The following AKNAD1 variants were observed in gnomAD, a reference collection of about 807,000 sequenced individuals.
The protein encoded by AKNAD1 is protein AKNAD1.
AKNAD1 carries 67 observed loss-of-function variants against 90.8 expected under a neutral mutation model. The ratio of observed to expected loss-of-function variants is 0.74; its 90% CI spans 0.61 to 0.90. AKNAD1 has a LOEUF of 0.90. AKNAD1 is among the 40% of genes least tolerant of loss of function. AKNAD1 has a pLI of 0.00. For synonymous variants in AKNAD1, 327 were observed against 341.4 expected (o/e 0.96, Z 0.46); for missense variants, 957 against 975.4 (o/e 0.98, Z 0.25).
intron 15 of AKNAD1, chr1:108,816,741 T>C (rs1663623464): frequency 3.1e-6 from 1 of 322,834 alleles, no homozygotes; most frequent in Non-Finnish European, 5.8e-6. Flanking sequence ...TGTTGGCAAC[T>C]CTGATCACAG....
intron 13 of AKNAD1, among the ~76,000 whole-genome samples, chr1:108,822,856 A>T (rs928891520): frequency 1.2e-4 from 18 of 152,150 alleles, no homozygotes; most frequent in African/African-American, 4.1e-4. Context: ...AGAGCTTGGG[A>T]AGGAGCAGCC....
At chr1:108,820,455 T>G in intron 14 of AKNAD1, 90 bp downstream of exon 14, 1 of 791,808 alleles carries the variant, frequency 1.3e-6, no homozygotes, top group South Asian at 1.6e-5. Context: ...CTAGGTTATC[T>G]TGGGGTAGGT....
chr1:108,838,915 G>T (rs768958942), intron 6 of AKNAD1, among the ~76,000 whole-genome samples: 5 of 151,976 alleles, frequency 3.3e-5, no homozygotes, highest in Non-Finnish European at 7.4e-5. Flanking sequence ...TCCATGAAAG[G>T]CATGAAGAGT....
chr1:108,831,179 G>A (rs935668255), intron 9 of AKNAD1, among the ~76,000 whole-genome samples: 1 of 152,144 alleles, frequency 6.6e-6, no homozygotes, highest in Non-Finnish European at 1.5e-5. Context: ...TTGGTTATAT[G>A]TCCCTCTTTA....
At chr1:108,845,381 G>T (rs1460816933) in intron 5 of AKNAD1, among the ~76,000 whole-genome samples, 3 of 152,158 alleles carry the variant, frequency 2.0e-5, no homozygotes, top group African/African-American at 7.2e-5. Flanking sequence ...TGCCGTCATG[G>T]AGTTGACTCT....
At chr1:108,823,088 C>A in intron 13 of AKNAD1, 1 of 653,136 alleles carries the variant, frequency 1.5e-6, no homozygotes, top group Non-Finnish European at 2.8e-6. Flanking sequence ...ATTTGTTCAG[C>A]AAACATTTAT....
chr1:108,851,464 T>C (rs1271365751), intron 2 of AKNAD1, among the ~76,000 whole-genome samples: 2 of 152,134 alleles, frequency 1.3e-5, no homozygotes, highest in Admixed American at 1.3e-4. Context: ...GATTTTATTC[T>C]CTTATATGTT....
At chr1:108,844,569 G>A (rs1319044642) in intron 5 of AKNAD1, among the ~76,000 whole-genome samples, 1 of 152,026 alleles carries the variant, frequency 6.6e-6, no homozygotes, top group African/African-American at 2.4e-5. Flanking sequence ...GGAGAGGAAG[G>A]GATGAATTGG....
intron 5 of AKNAD1, among the ~76,000 whole-genome samples, chr1:108,844,841 C>A (rs959267470): frequency 6.8e-6 from 1 of 147,360 alleles, no homozygotes; most frequent in African/African-American, 2.5e-5. Context: ...TAATTTAAGA[C>A]AGTCACTCGC....
chr1:108,853,419 C>T (rs1045215582), intron 1 of AKNAD1, among the ~76,000 whole-genome samples: 4 of 151,662 alleles, frequency 2.6e-5, no homozygotes, highest in African/African-American at 9.7e-5. Flanking sequence ...GCGTGAGCCA[C>T]CGCGCCCGGC....
chr1:108,841,191 T>C (rs1323400053), intron 6 of AKNAD1, among the ~76,000 whole-genome samples: 1 of 151,078 alleles, frequency 6.6e-6, no homozygotes, highest in African/African-American at 2.4e-5. Flanking sequence ...ATAATAGTAA[T>C]AATAAAAATA....
chr1:108,830,747 AACTTGCC>A, intron 9 of AKNAD1, 97 bp from the exon 10 acceptor site: 1 of 1,183,234 alleles, frequency 8.5e-7, no homozygotes, highest in Middle Eastern at 2.1e-4. Context: ...GGTCCGGCTG[AACTTGCC>A]ACCTCAGGCA....
At chr1:108,827,135 C>T (rs1664023362) in intron 11 of AKNAD1, 70 bp downstream of exon 11, 1 of 1,098,964 alleles carries the variant, frequency 9.1e-7, no homozygotes, top group Admixed American at 1.8e-5. Context: ...CAAGCTGGTG[C>T]CTACTGCGAG....
At chr1:108,829,306 T>C (rs1664108941) in intron 10 of AKNAD1, among the ~76,000 whole-genome samples, 1 of 151,956 alleles carries the variant, frequency 6.6e-6, no homozygotes, top group Non-Finnish European at 1.5e-5. Flanking sequence ...GTCTGGAACA[T>C]TGGTCCCTGT....
chr1:108,842,830 GTC>G (rs1664589198), intron 6 of AKNAD1, among the ~76,000 whole-genome samples: 1 of 152,084 alleles, frequency 6.6e-6, no homozygotes, highest in East Asian at 1.9e-4. Flanking sequence ...GCTCCTCTGG[GTC>G]TCCAAACCAA....
chr1:108,851,974 G>T lies in AKNAD1; in HGVS notation c.691C>A (p.Gln231Lys), dbSNP rs760039079. ...TCAGTCTGCTGTTTCTGGGGTGACT[G>T]CCCTTGATAACTTTTTTGTTTATCA... ...PGDKQKSYQG[Q>K]SPQKQQTEKA... is the part of the protein sequence containing the mutation. Residue 231 changes from glutamine to lysine, a missense_variant, in exon 2 of 16, where the codon CAG becomes AAG. Physicochemically the swap from Gln to Lys is moderately conservative, Grantham distance 53 (BLOSUM62 1). Transcript: ENST00000370001. 1.9e-6 allele frequency: 3 copies of T among 1,614,188 alleles called. No homozygotes were observed. Among genetic ancestry groups the T allele is most frequent in the Admixed American group, 1.7e-5 (1 of 60,026 alleles).
chr1:108,854,360 C>A (rs1664970892), intron 1 of AKNAD1, among the ~76,000 whole-genome samples: 2 of 152,170 alleles, frequency 1.3e-5, no homozygotes, highest in South Asian at 2.1e-4. Context: ...GCCTCCCTTG[C>A]CCATACAATG....
chr1:108,820,558 G>A lies in AKNAD1; in HGVS notation c.2236C>T (p.Pro746Ser), dbSNP rs377132841. The change falls in exon 14 of 16, where the codon CCC becomes TCC. Residue 746 changes from proline (P) to serine (S), a missense_variant. Physicochemically the swap from Pro to Ser is moderately conservative, Grantham distance 74. Coordinates refer to ENST00000370001, the MANE Select transcript of AKNAD1 (RefSeq NM_152763.5). ...AATAATACTTACTTTCCTGGTGTGG[G>A]CTCATGTTCACCTTTAAAGGATTTT... ...NSKSFKGEHE[P>S]TPGKKKLQAF... 76 of 1,603,706 alleles carry A rather than the reference G, an allele frequency of 4.7e-5. 1 individual carries two copies. The highest frequency in any genetic ancestry group is 2.9e-4 in the East Asian group (13 of 44,768).
chr1:108,830,762 G>A, intron 9 of AKNAD1, 112 bp from the exon 10 acceptor site: 1 of 975,506 alleles, frequency 1.0e-6, no homozygotes, highest in Non-Finnish European at 1.6e-6. Context: ...GCCACCTCAG[G>A]CAGAGAGACT....
Sources: allele counts gnomAD v4.1 joint callset (sites outside exome capture counted in the v4.1 genomes callset), GRCh38; gene constraint gnomAD v4.1.1; transcripts MANE v1.5; gene names NCBI Gene and HGNC (gene_info 2026-07-23, HGNC 2026-07-21).